TRIO: variants seen among roughly 807,000 people sequenced by gnomAD.
The protein encoded by TRIO is triple functional domain protein.
Under a neutral mutation model 351.9 loss-of-function variants are expected in TRIO, and 58 were observed. The observed-to-expected ratio is 0.16, with a 90% CI of 0.13 to 0.21. The LOEUF is 0.21. Among genes scored for constraint, TRIO ranks in the 10% least tolerant of loss-of-function variants. The pLI is 1.00. For missense variants in TRIO, 3,201 were observed against 4,027.8 expected, an observed-to-expected ratio of 0.79 and a Z score of 5.56; for synonymous variants, 1,758 against 1,595.7, an observed-to-expected ratio of 1.10 and a Z score of -2.42.
chr5:14,329,920 C>T (rs1479728712), intron 9 of TRIO, among the ~76,000 whole-genome samples: 1 of 152,174 alleles, frequency 6.6e-6, no homozygotes, highest in Admixed American at 6.5e-5. Context: ...TCTGCAAATA[C>T]TGTAGTTTCA....
At chr5:14,292,816 G>A (rs1376073935) in intron 5 of TRIO, among the ~76,000 whole-genome samples, 196 bp from the exon 6 acceptor site, 1 of 152,242 alleles carries the variant, frequency 6.6e-6, no homozygotes, top group Non-Finnish European at 1.5e-5. Flanking sequence ...CATCAGATAA[G>A]ATTTTCTGGT....
In TRIO at chr5:14,286,283, G is replaced by T. The variant is rs966869342; in HGVS notation, c.348-588G>T. On this transcript the variant is annotated intron_variant, in intron 3 of 56. Coordinates refer to ENST00000344204, the MANE Select transcript of TRIO (RefSeq NM_007118.4). The surrounding 1 kb of genome is among the most constrained non-coding windows in gnomAD (Gnocchi z 4.4). ...AAGAACTCCCAGGGACGGGTGGATG[G>T]TATGGAAAACCACTGAGATAGCTTC... Among the ~76,000 whole-genome samples the T allele has an allele frequency of 2.0e-5, 3 of 152,138 alleles. No homozygotes were observed. The highest frequency in any genetic ancestry group is 4.4e-5 in the Non-Finnish European group (3 of 68,024).
At chr5:14,335,880 G>C (rs902648098) in intron 10 of TRIO, among the ~76,000 whole-genome samples, 6 of 152,062 alleles carry the variant, frequency 3.9e-5, no homozygotes, top group African/African-American at 1.4e-4. Context: ...TGGGAGGATT[G>C]CTTGAGCCCA....
chr5:14,208,525 A>G (rs755326672), intron 1 of TRIO, among the ~76,000 whole-genome samples: 8 of 152,226 alleles, frequency 5.3e-5, no homozygotes, highest in Non-Finnish European at 1.2e-4. Context: ...ATTGACTGCA[A>G]AGAGTCACAA....
chr5:14,377,542 G>A (rs569183741), intron 19 of TRIO, among the ~76,000 whole-genome samples: 60 of 152,052 alleles, frequency 3.9e-4, no homozygotes, highest in Admixed American at 8.5e-4. Context: ...GAGCCACCGC[G>A]CCCAGCTTGG....
At chr5:14,502,515 A>T (rs1156469261) in intron 53 of TRIO, 64 bp from the exon 54 acceptor site, 3 of 1,567,026 alleles carry the variant, frequency 1.9e-6, no homozygotes, top group African/African-American at 2.7e-5. Context: ...GTGCGTGGCG[A>T]TAGCCTTCTT....
At chr5:14,238,359 G>A (rs575633470) in intron 1 of TRIO, among the ~76,000 whole-genome samples, 1 of 152,196 alleles carries the variant, frequency 6.6e-6, no homozygotes, top group South Asian at 2.1e-4. Flanking sequence ...TATACTGTCA[G>A]TGCTAGGGTT....
intron 37 of TRIO, among the ~76,000 whole-genome samples, 181 bp from the exon 38 acceptor site, chr5:14,471,137 A>AT (rs1457020786): frequency 6.6e-5 from 10 of 152,148 alleles, no homozygotes; most frequent in South Asian, 2.1e-4. Flanking sequence ...CTTTGACTCT[A>AT]TTTTTTTATT....
At chr5:14,391,345 C>G (rs944133893) in intron 27 of TRIO, among the ~76,000 whole-genome samples, 3 of 152,100 alleles carry the variant, frequency 2.0e-5, no homozygotes, top group Admixed American at 2.0e-4. Flanking sequence ...AAGGCATAAA[C>G]TATTAAGCTT....
At chr5:14,266,820 T>C (rs753271292) in intron 1 of TRIO, among the ~76,000 whole-genome samples, 31 of 152,226 alleles carry the variant, frequency 2.0e-4, no homozygotes, top group Non-Finnish European at 3.7e-4. Context: ...TCAACAAATA[T>C]TAGTGTAAAC....
intron 1 of TRIO, among the ~76,000 whole-genome samples, chr5:14,243,151 C>T (rs534321890): frequency 4.6e-5 from 7 of 152,284 alleles, no homozygotes; most frequent in Non-Finnish European, 1.0e-4. Context: ...ACTCCCATTA[C>T]TGCTATGGCT....
intron 1 of TRIO, among the ~76,000 whole-genome samples, chr5:14,194,500 T>C (rs1428483938): frequency 6.6e-6 from 1 of 152,222 alleles, no homozygotes; most frequent in Non-Finnish European, 1.5e-5. Flanking sequence ...AAGTTAAATG[T>C]TAGGTTGCTG....
chr5:14,143,755 C>T lies in TRIO; in HGVS notation c.30C>T (p.Ala10=). Residue 10 remains alanine, a synonymous_variant, in exon 1 of 57, where the codon GCC becomes GCT. Coordinates refer to ENST00000344204, the MANE Select transcript of TRIO (RefSeq NM_007118.4). ...GCGGCAGCAGCGGCGGAGCCGCCGCCCCCGCCGCGTCCTCCGGCCCCGCCG... is the reference window on the plus strand; with the variant it reads ...GCGGCAGCAGCGGCGGAGCCGCCGCTCCCGCCGCGTCCTCCGGCCCCGCCG... The part of the protein sequence containing the change: MSGSSGGAA[A]PAASSGPAAA... The T allele has an allele frequency of 1.0e-6, 1 of 990,208 alleles. No homozygotes were observed. The highest frequency in any genetic ancestry group is 1.2e-6 in the Non-Finnish European group (1 of 834,766). 61.3% of individuals were successfully genotyped at this position (990,208 alleles called of 1,614,324 possible). A position where few individuals can be genotyped will look rare whatever the true frequency, so the allele number is the denominator to read the frequency against.
In TRIO at chr5:14,461,078, C is replaced by T. The variant is rs1320863306; in HGVS notation, c.5263C>T (p.Pro1755Ser). 3.2e-6 allele frequency: 5 copies of T among 1,577,786 alleles called. No individual in the cohort carries two copies. The highest frequency in any genetic ancestry group is 4.3e-6 in the Non-Finnish European group (5 of 1,162,884). ...ACCCGCATCCGTGGCTTCCCTCCAG[C>T]CCCACATGATCGGGGCCCAGAGCTC... The part of the protein sequence containing the change: ...SPPASVASLQ[P>S]HMIGAQSSPG... The change falls in exon 35 of 57, where the codon CCC (proline) becomes TCC (serine). Residue 1755 changes from proline (P) to serine (S), a missense_variant. Physicochemically the swap from Pro to Ser is moderately conservative, Grantham distance 74. Coordinates refer to ENST00000344204, the MANE Select transcript of TRIO (RefSeq NM_007118.4).
intron 16 of TRIO, 140 bp from the exon 17 acceptor site, chr5:14,368,568 T>G: frequency 1.1e-6 from 1 of 874,458 alleles, no homozygotes; most frequent in Non-Finnish European, 1.7e-6. Context: ...CTGCTGTGCT[T>G]TTAGAAGCAT....
chr5:14,205,740 T>C (rs2152181771), intron 1 of TRIO, among the ~76,000 whole-genome samples: 2 of 152,316 alleles, frequency 1.3e-5, no homozygotes, highest in Middle Eastern at 6.8e-3. Context: ...TTCAATTTAT[T>C]TATTTATTTA....
chr5:14,153,647 G>A (rs1400542389), intron 1 of TRIO, among the ~76,000 whole-genome samples: 1 of 152,112 alleles, frequency 6.6e-6, no homozygotes, highest in African/African-American at 2.4e-5. Flanking sequence ...GGATGAGGAT[G>A]TCTGCTTCTG....
At chr5:14,238,654 C>G (rs751769091) in intron 1 of TRIO, among the ~76,000 whole-genome samples, 1 of 152,184 alleles carries the variant, frequency 6.6e-6, no homozygotes, top group Non-Finnish European at 1.5e-5. Flanking sequence ...CATATTTCAT[C>G]TTTTTTTCTT....
At chr5:14,503,815 A>G (rs1757460163) in intron 54 of TRIO, among the ~76,000 whole-genome samples, 1 of 152,056 alleles carries the variant, frequency 6.6e-6, no homozygotes. Flanking sequence ...TGCAGAATGC[A>G]CTCACCCACC....
Sources: gnomAD v4.1 joint callset for allele counts (sites outside exome capture counted in the v4.1 genomes callset) on GRCh38, gnomAD v4.1.1 for gene constraint, Gnocchi (gnomAD v3.1) non-coding constraint, MANE v1.5 for transcripts, NCBI Gene and HGNC (gene_info 2026-07-23, HGNC 2026-07-21) for gene names.